EPHA3: variants seen among roughly 807,000 people sequenced by gnomAD.
The protein encoded by EPHA3 is ephrin type-A receptor 3.
EPHA3 carries 42 observed loss-of-function variants against 107.1 expected under a neutral mutation model. The ratio of observed to expected loss-of-function variants is 0.39; its 90% CI spans 0.31 to 0.51. EPHA3 has a LOEUF of 0.51. Ranked by LOEUF, EPHA3 falls within the 20% of genes least tolerant of loss-of-function variation. The pLI is 0.78. For missense variants in EPHA3, 1,183 were observed against 1,211.2 expected (o/e 0.98, Z 0.35); for synonymous variants, 461 against 424.8 (o/e 1.09, Z -1.05).
chr3:89,371,044 G>C (rs535221556), intron 5 of EPHA3, among the ~76,000 whole-genome samples: 15 of 151,756 alleles, frequency 9.9e-5, no homozygotes, highest in Non-Finnish European at 8.9e-5. Flanking sequence ...TATTATATCT[G>C]CTCTTAAATG....
intron 2 of EPHA3, among the ~76,000 whole-genome samples, chr3:89,156,194 A>G (rs573063439): frequency 6.6e-6 from 1 of 152,192 alleles, no homozygotes; most frequent in South Asian, 2.1e-4. Context: ...TTTTCAGAGT[A>G]GAGACATTGT....
rs767523967 is a variant in EPHA3, at chr3:89,419,404, T to C, written c.2074+14T>C. 10 of 1,564,254 alleles carry C rather than the reference T, an allele frequency of 6.4e-6. No individual in the cohort carries two copies. The South Asian group carries it at 1.1e-4, about 17-fold the overall frequency. On this transcript the variant is annotated intron_variant, in intron 11 of 16. Transcript: ENST00000336596. ...TTGTTACCAAAAGTAAGTAAAGTAG[T>C]CATAAGACCTGTGTTTCCGTATGTT... is the stretch of plus-strand genomic sequence containing the variant.
intron 3 of EPHA3, among the ~76,000 whole-genome samples, chr3:89,268,850 TA>T (rs1204300161): frequency 2.0e-5 from 3 of 151,904 alleles, no homozygotes; most frequent in African/African-American, 7.2e-5. Flanking sequence ...CAAGTTTTTT[TA>T]AACCTTCCTG....
rs1706745111 is a variant in EPHA3, at chr3:89,310,724, TC to T, written c.815-30191del. ...TTAATTAGAAGTAAACTCCTAAAGG[TC>T]AATAAACAAAGTGAATTCCCTGATA... On this transcript the variant is annotated intron_variant, in intron 3 of 16. Transcript: ENST00000336596. Among the ~76,000 whole-genome samples the T allele has an allele frequency of 2.0e-5, 3 of 151,896 alleles. No individual in the cohort carries two copies. The South Asian group carries it at 6.2e-4, about 32-fold the overall frequency.
rs753853139 is a variant in EPHA3 at position 89,186,892 on chromosome 3, G to A, written c.154-22968G>A. ...GATTGAATTTGTTGAATTTTGTGTT[G>A]CCTGGAATATGTTTTTAATCTTTAA... On this transcript the variant is annotated intron_variant, in intron 2 of 16. Transcript: ENST00000336596. Among the ~76,000 whole-genome samples, 22 of 152,018 alleles carry A rather than the reference G, an allele frequency of 1.4e-4. No individual in the cohort carries two copies. The East Asian group carries it at 1.7e-3, about 12-fold the overall frequency.
Position 89,229,106 on chromosome 3 carries a change from C to G in EPHA3, c.814+18586C>G, listed in dbSNP as rs182368824. Among the ~76,000 whole-genome samples, 99 of 151,920 alleles carry G rather than the reference C, an allele frequency of 6.5e-4. 1 individual carries two copies. The highest frequency in any genetic ancestry group is 3.9e-3 in the Admixed American group (60 of 15,226). On this transcript the variant is annotated intron_variant, in intron 3 of 16. Coordinates refer to ENST00000336596, the MANE Select transcript of EPHA3 (RefSeq NM_005233.6). ...TGAAATCTTGCTAAGATGCTTTGTT[C>G]GTAGGATGTAAGTGCTAAACAAAAG...
At chr3:89,398,597 TCTACTCCAGAATCAATAGAGCATTC>T (rs1400750775) in intron 6 of EPHA3, among the ~76,000 whole-genome samples, 1,713 of 152,290 alleles carry the variant, frequency 0.011, 36 homozygotes, top group African/African-American at 0.039. Context: ...AAAAAAAAGT[TCTACTCCAGAATCAATAGAGCATTC>T]CTATTAGGTT....
intron 15 of EPHA3, among the ~76,000 whole-genome samples, chr3:89,452,376 T>C (rs191047630): frequency 1.2e-3 from 180 of 152,306 alleles, no homozygotes; most frequent in African/African-American, 4.1e-3. Context: ...CTTTTGACTT[T>C]TTGATAATAG....
intron 3 of EPHA3, among the ~76,000 whole-genome samples, chr3:89,252,377 G>A (rs961957786): frequency 3.3e-5 from 5 of 152,206 alleles, no homozygotes; most frequent in Admixed American, 2.6e-4. Context: ...GTGGAGTACG[G>A]ACGTAAAATA....
chr3:89,442,085 T>C, intron 13 of EPHA3, among the ~76,000 whole-genome samples: 1 of 152,018 alleles, frequency 6.6e-6, no homozygotes, highest in East Asian at 1.9e-4. Flanking sequence ...GCTTAATTTA[T>C]AAAGTTAATT....
intron 14 of EPHA3, 106 bp from the exon 15 acceptor site, chr3:89,450,071 C>A: frequency 1.1e-6 from 1 of 924,502 alleles, no homozygotes; most frequent in Non-Finnish European, 1.6e-6. Context: ...AGTTTTCCCA[C>A]TTACCTTTAA....
chr3:89,344,071 G>A (rs1404553233), intron 5 of EPHA3, among the ~76,000 whole-genome samples: 1 of 152,110 alleles, frequency 6.6e-6, no homozygotes, highest in Non-Finnish European at 1.5e-5. Flanking sequence ...TATATTTCAA[G>A]CTGATTTACT....
At position 89,479,434 on chromosome 3, in the gene EPHA3, CAGA is replaced by C. The variant is rs748710353; in HGVS notation, c.2891_2893del (p.Lys964del). 1.8e-5 allele frequency: 29 copies of C among 1,614,010 alleles called. No homozygotes were observed. The highest frequency in any genetic ancestry group is 1.6e-4 in the Middle Eastern group (1 of 6,084). The stretch of plus-strand genomic sequence containing the variant: ...GGTTGGTGTCACCGTGGTTGGGCCA[CAGA>C]AGAAGATCATCAGTAGCATTAAAGC... On this transcript the variant is annotated inframe_deletion, in exon 17 of 17. Coordinates refer to ENST00000336596, the MANE Select transcript of EPHA3 (RefSeq NM_005233.6).
intron 3 of EPHA3, among the ~76,000 whole-genome samples, chr3:89,289,701 G>A (rs530291221): frequency 9.9e-5 from 15 of 152,184 alleles, no homozygotes; most frequent in Middle Eastern, 3.4e-3. Context: ...GCGTGCGTGT[G>A]TGCATGTGTT....
intron 5 of EPHA3, among the ~76,000 whole-genome samples, chr3:89,391,382 T>TTTTTCTTTTCTTTTC (rs58910915): frequency 2.0e-3 from 281 of 138,402 alleles, no homozygotes; most frequent in African/African-American, 2.5e-3. Context: ...TATTTGTATT[T>TTTTTCTTTTCTTTTC]TTTTCTTTTC....
chr3:89,209,910 C>A lies in EPHA3; in HGVS notation c.204C>A (p.Tyr68Ter). Reference sequence around the variant, plus strand: ...AACATTACACACCCATCAGGACTTACCAGGTGTGCAATGTCATGGACCACA... The same window carrying A: ...AACATTACACACCCATCAGGACTTAACAGGTGTGCAATGTCATGGACCACA... ...VDEHYTPIRT[Y>*]QVCNVMDHSQ... is the part of the protein sequence containing the mutation. Residue 68 changes from tyrosine to a stop codon, truncating the protein, a stop_gained, in exon 3 of 17, where the codon TAC (tyrosine) becomes TAA (stop). Coordinates refer to ENST00000336596, the MANE Select transcript of EPHA3 (RefSeq NM_005233.6). LOFTEE classifies it high-confidence loss of function. 1 of 1,613,070 alleles carries A rather than the reference C, an allele frequency of 6.2e-7. No homozygotes were observed. Among genetic ancestry groups the A allele is most frequent in the East Asian group, 2.2e-5 (1 of 44,884 alleles).
intron 3 of EPHA3, among the ~76,000 whole-genome samples, chr3:89,327,058 G>T (rs1707182707): frequency 6.6e-6 from 1 of 151,946 alleles, no homozygotes; most frequent in South Asian, 2.1e-4. Flanking sequence ...CTAGTACATG[G>T]TAAGAAATAA....
chr3:89,194,454 C>G (rs1705789156), intron 2 of EPHA3, among the ~76,000 whole-genome samples: 1 of 151,934 alleles, frequency 6.6e-6, no homozygotes, highest in African/African-American at 2.4e-5. Context: ...CTAGGTTGGA[C>G]TTTTATTAGC....
intron 2 of EPHA3, among the ~76,000 whole-genome samples, chr3:89,188,830 T>C (rs897065459): frequency 6.6e-6 from 1 of 152,218 alleles, no homozygotes; most frequent in Non-Finnish European, 1.5e-5. Context: ...TGTGTCCCTC[T>C]ACCCTCCTTC....
Sources: gnomAD v4.1 joint callset for allele counts (sites outside exome capture counted in the v4.1 genomes callset) on GRCh38, gnomAD v4.1.1 for gene constraint, MANE v1.5 for transcripts, NCBI Gene and HGNC (gene_info 2026-07-23, HGNC 2026-07-21) for gene names.